Variants in ANK2 observed in about 807,000 individuals in gnomAD.
ANK2 encodes the protein ankyrin-2.
A neutral mutation model predicts 360.5 loss-of-function variants in ANK2; 83 were observed. The ratio of observed to expected loss-of-function variants is 0.23; its 90% CI spans 0.19 to 0.28. The LOEUF is 0.28. Ranked by LOEUF, ANK2 falls within the 10% of genes least tolerant of loss-of-function variation. The pLI, the probability that ANK2 is intolerant of heterozygous loss-of-function variation, is 1.00. For synonymous variants in ANK2, 1,740 were observed against 1,759.5 expected, an observed-to-expected ratio of 0.99 and a Z score of 0.28; for missense variants, 4,201 against 4,795.7, an observed-to-expected ratio of 0.88 and a Z score of 3.66.
intron 1 of ANK2, among the ~76,000 whole-genome samples, chr4:113,124,143 G>T (rs1392591416): frequency 6.6e-6 from 1 of 152,120 alleles, no homozygotes; most frequent in Non-Finnish European, 1.5e-5. Flanking sequence ...TTTAAAGGAA[G>T]ACCACTACAT....
intron 2 of ANK2, among the ~76,000 whole-genome samples, chr4:113,004,547 C>T (rs6852975): frequency 0.8 from 121,202 of 151,848 alleles, 48,332 homozygotes; most frequent in South Asian, 0.87. Context: ...TCTCCTATGA[C>T]AACAACGCCT....
the ANK2 span, among the ~76,000 whole-genome samples, chr4:112,811,049 C>T: frequency 6.6e-6 from 1 of 151,852 alleles, no homozygotes; most frequent in East Asian, 1.9e-4. Flanking sequence ...CATTCTCCTG[C>T]CTCAGCCTCC....
the ANK2 span, among the ~76,000 whole-genome samples, chr4:112,722,827 G>T: frequency 6.6e-6 from 1 of 152,156 alleles, no homozygotes; most frequent in Non-Finnish European, 1.5e-5. Flanking sequence ...GGCCATGTAT[G>T]ATGGCTCATG....
intron 2 of ANK2, among the ~76,000 whole-genome samples, chr4:113,179,522 ATACTC>A (rs1430291905): frequency 1.1e-4 from 16 of 152,330 alleles, no homozygotes; most frequent in African/African-American, 3.6e-4. Flanking sequence ...GCACATGAAA[ATACTC>A]TAAAAGAATG....
chr4:112,804,028 TC>T, the ANK2 span, among the ~76,000 whole-genome samples: 2,242 of 144,442 alleles, frequency 0.016, 59 homozygotes, highest in African/African-American at 0.054. Context: ...TTTTTTTTTT[TC>T]TTTTTTTGAG....
chr4:112,816,587 T>C (rs2055658543), upstream of ANK2, among the ~76,000 whole-genome samples: 1 of 152,144 alleles, frequency 6.6e-6, no homozygotes, highest in Non-Finnish European at 1.5e-5. Flanking sequence ...ATGGCACAAT[T>C]CACTTTAAAT....
chr4:112,825,103 A>G (rs2058119907), intron 1 of ANK2, among the ~76,000 whole-genome samples: 1 of 152,162 alleles, frequency 6.6e-6, no homozygotes, highest in Non-Finnish European at 1.5e-5. Flanking sequence ...AAAACCAAAC[A>G]TCACATATTC....
chr4:113,034,903 T>G (rs1471690249), intron 2 of ANK2: 1 of 151,982 alleles, frequency 6.6e-6, no homozygotes, highest in Non-Finnish European at 1.5e-5. Context: ...AATTGAAAAC[T>G]GTTTTGCAGA....
the ANK2 span, among the ~76,000 whole-genome samples, chr4:112,725,052 G>A: frequency 1.3e-5 from 2 of 152,104 alleles, no homozygotes; most frequent in African/African-American, 4.8e-5. Context: ...GGCTGAGGCG[G>A]GTGGATTGTC....
At chr4:112,971,541 A>G (rs1198750270) in intron 2 of ANK2, among the ~76,000 whole-genome samples, 1 of 151,058 alleles carries the variant, frequency 6.6e-6, no homozygotes, top group African/African-American at 2.4e-5. Context: ...TTGCTGTTTG[A>G]AAAGTGTTGT....
intron 1 of ANK2, among the ~76,000 whole-genome samples, chr4:113,115,670 T>C (rs575410093): frequency 6.6e-6 from 1 of 152,282 alleles, no homozygotes; most frequent in South Asian, 2.1e-4. Context: ...CACATTAGTA[T>C]TTTCCCTCCT....
Position 113,336,590 on chromosome 4 carries a change from A to G in ANK2, c.3605A>G (p.His1202Arg). 1 of 1,614,158 alleles carries G rather than the reference A, an allele frequency of 6.2e-7. No individual in the cohort carries two copies. Among genetic ancestry groups the G allele is most frequent in the Non-Finnish European group, 8.5e-7 (1 of 1,180,012 alleles). The stretch of plus-strand genomic sequence containing the variant: ...TACTTTGAAAAGGCTCAACCTATGC[A>G]CAGTGAGCTGGTTAAGAAGATCCTA... ...IRVGLQAQPM[H>R]SELVKKILGN... The change falls in exon 31 of 46, where the codon CAC (histidine) becomes CGC (arginine). Residue 1202 changes from histidine to arginine, a missense_variant. Coordinates refer to ENST00000357077, the MANE Select transcript of ANK2 (RefSeq NM_001148.6).
chr4:113,333,331 TCCC>T, intron 29 of ANK2, 123 bp downstream of exon 29: 36 of 1,237,046 alleles, frequency 2.9e-5, no homozygotes, highest in South Asian at 3.9e-5. Context: ...TGTGTGTGTG[TCCC>T]TTGTGGTATT....
chr4:112,834,091 TA>T (rs1191864553), intron 1 of ANK2, among the ~76,000 whole-genome samples: 1 of 152,206 alleles, frequency 6.6e-6, no homozygotes, highest in Non-Finnish European at 1.5e-5. Context: ...CCTTATGCTT[TA>T]AAGAAATGTT....
intron 1 of ANK2, among the ~76,000 whole-genome samples, chr4:113,142,442 G>T (rs766655784): frequency 7.2e-5 from 11 of 152,158 alleles, no homozygotes; most frequent in Non-Finnish European, 1.3e-4. Flanking sequence ...GCTGCTCATA[G>T]GAAATTCTGT....
At chr4:112,758,434 A>G in the ANK2 span, among the ~76,000 whole-genome samples, 1 of 151,996 alleles carries the variant, frequency 6.6e-6, no homozygotes. Flanking sequence ...TTTTTGAGAT[A>G]GAGTCTCACT....
intron 2 of ANK2, among the ~76,000 whole-genome samples, chr4:112,929,466 C>T (rs72892453): frequency 6.6e-6 from 1 of 152,148 alleles, no homozygotes; most frequent in Non-Finnish European, 1.5e-5. Flanking sequence ...GGCAGGGAAG[C>T]TCCTGAACTT....
At chr4:112,742,476 G>A in the ANK2 span, among the ~76,000 whole-genome samples, 1 of 151,808 alleles carries the variant, frequency 6.6e-6, no homozygotes, top group Non-Finnish European at 1.5e-5. Flanking sequence ...GATAAGATTG[G>A]CTAGGGTAGG....
chr4:112,943,593 C>G (rs986911215), intron 2 of ANK2, among the ~76,000 whole-genome samples: 1 of 151,946 alleles, frequency 6.6e-6, no homozygotes, highest in Non-Finnish European at 1.5e-5. Flanking sequence ...GTCTCCTTAC[C>G]TTTAAAACAG....
Sources: gnomAD v4.1 joint callset for allele counts (sites outside exome capture counted in the v4.1 genomes callset) on GRCh38, gnomAD v4.1.1 for gene constraint, MANE v1.5 for transcripts, NCBI Gene and HGNC (gene_info 2026-07-23, HGNC 2026-07-21) for gene names.